Variants in TUB observed in about 807,000 individuals in gnomAD.
The protein encoded by TUB is tubby protein homolog.
In TUB, 33 loss-of-function variants were observed where a neutral mutation model predicts 59.7. That is an observed-to-expected ratio of 0.55 (90% CI 0.42 to 0.74). The LOEUF is 0.74. Ranked by LOEUF, TUB falls within the 30% of genes least tolerant of loss-of-function variation. The pLI is 0.00. For missense variants in TUB, 659 were observed against 672.0 expected (o/e 0.98, Z 0.21); for synonymous variants, 293 against 256.4 (o/e 1.14, Z -1.36).
rs201857968 is a variant in TUB, at chr11:8,095,592, C to A, written c.492C>A (p.Asp164Glu). The change falls in exon 5 of 12, where the codon GAC becomes GAA. Residue 164 changes from aspartate to glutamate, a missense_variant. Coordinates refer to ENST00000299506, the MANE Select transcript of TUB (RefSeq NM_177972.3). Reference protein sequence around the residue: ...LTVGQSDHAQDAGETAAGGGE... With the variant: ...LTVGQSDHAQEAGETAAGGGE... ...TGGGCCAGTCAGACCACGCCCAGGA[C>A]GCAGGGGAGACGGCAGCTGGTGGGG... 1.9e-5 allele frequency: 31 copies of A among 1,612,894 alleles called. No homozygotes were observed. Among genetic ancestry groups the A allele is most frequent in the Non-Finnish European group, 2.5e-5 (30 of 1,179,882 alleles).
chr11:8,060,643 G>A (rs935029899), intron 2 of TUB, among the ~76,000 whole-genome samples: 1 of 152,168 alleles, frequency 6.6e-6, no homozygotes, highest in Admixed American at 6.5e-5. Context: ...GGGAGGGAGA[G>A]ACTGAGAGTG....
chr11:8,060,391 C>A (rs1564906320), intron 2 of TUB, among the ~76,000 whole-genome samples: 1 of 152,148 alleles, frequency 6.6e-6, no homozygotes, highest in Non-Finnish European at 1.5e-5. Context: ...GGGTTGCTGG[C>A]CACCTCTGAC....
intron 2 of TUB, chr11:8,067,492 T>G (rs1943268529): frequency 6.6e-6 from 1 of 152,250 alleles, no homozygotes; most frequent in East Asian, 1.9e-4. Context: ...AAGCATTTAA[T>G]AAATGTTAGC....
At chr11:8,050,725 T>C (rs575874089) in intron 2 of TUB, among the ~76,000 whole-genome samples, 2 of 152,368 alleles carry the variant, frequency 1.3e-5, no homozygotes, top group South Asian at 2.1e-4. Flanking sequence ...TATTTTTCCC[T>C]TCAGCGAAGT....
At position 8,067,598 on chromosome 11, in the gene TUB, G is replaced by A. The variant is rs189474442; in HGVS notation, c.204-22012G>A. 64 of 152,290 alleles carry A rather than the reference G, an allele frequency of 4.2e-4. 1 individual carries two copies. The highest frequency in any genetic ancestry group is 1.9e-4 in the East Asian group (1 of 5,176). 9.4% of individuals were successfully genotyped at this position (152,290 alleles called of 1,614,324 possible). A position where few individuals can be genotyped will look rare whatever the true frequency, so the allele number is the denominator to read the frequency against. On this transcript the variant is annotated intron_variant, in intron 2 of 12. Coordinates refer to the TUB transcript ENST00000305253. Reference sequence around the variant, plus strand: ...CCCGACAAATATTTATTAAACTCCTGTTTTCTTCCAGGCACTGTACTAGGC... The same window carrying A: ...CCCGACAAATATTTATTAAACTCCTATTTTCTTCCAGGCACTGTACTAGGC...
intron 1 of TUB, among the ~76,000 whole-genome samples, chr11:8,020,828 C>G (rs998300257): frequency 6.6e-6 from 1 of 152,128 alleles, no homozygotes; most frequent in Non-Finnish European, 1.5e-5. Flanking sequence ...GTTCAGATCC[C>G]AAATTCACAC....
At chr11:8,054,576 A>G (rs1470108713) in intron 2 of TUB, among the ~76,000 whole-genome samples, 1 of 152,180 alleles carries the variant, frequency 6.6e-6, no homozygotes, top group East Asian at 1.9e-4. Flanking sequence ...CCTGCATGCC[A>G]TGTCATCTCC....
In TUB at chr11:8,105,513, C is replaced by G. The variant is rs997584678; in HGVS notation, c.*3894C>G. 5 of 152,082 alleles carry G rather than the reference C, an allele frequency of 3.3e-5. No homozygotes were observed. Among genetic ancestry groups the G allele is most frequent in the African/African-American group, 1.2e-4 (5 of 41,422 alleles). The allele number at this position is 152,082 out of a possible 1,614,324, so 9.4% of individuals were successfully genotyped here. A position where few individuals can be genotyped will look rare whatever the true frequency, so the allele number is the denominator to read the frequency against. The stretch of plus-strand genomic sequence containing the variant: ...AGGTTTGGTTTTTAAATTTTCCAAC[C>G]AAGTGGAAAGGCAAGTTGGTCTTAT... On this transcript the variant is annotated 3_prime_UTR_variant, in exon 12 of 12. Transcript: ENST00000299506.
At chr11:8,078,349 C>T (rs1178558893), upstream of TUB, among the ~76,000 whole-genome samples, 1 of 152,098 alleles carries the variant, frequency 6.6e-6, no homozygotes, top group Non-Finnish European at 1.5e-5. Context: ...GTTGGGATTG[C>T]TGTGTGGTGG....
chr11:8,038,999 G>A (rs778973475), exon 1 of TUB: 4 of 1,613,766 alleles, frequency 2.5e-6, no homozygotes, highest in Non-Finnish European at 3.4e-6. Context: ...GGAAACCTGG[G>A]CCCCTGAAAC....
intron 1 of TUB, among the ~76,000 whole-genome samples, chr11:8,088,380 A>G (rs1943708370): frequency 6.6e-6 from 1 of 152,162 alleles, no homozygotes. Flanking sequence ...GGAGGAGGTG[A>G]AAGTGGCTTC....
At position 8,029,671 on chromosome 11, in the gene TUB, G is replaced by A. The variant is rs112613019; in HGVS notation, c.56+10313G>A. Among the ~76,000 whole-genome samples, 437 of 152,244 alleles carry A rather than the reference G, an allele frequency of 2.9e-3. 1 individual carries two copies. The highest frequency in any genetic ancestry group is 0.01 in the African/African-American group (425 of 41,504). On this transcript the variant is annotated intron_variant, in intron 1 of 11. Transcript: ENST00000534099. ...CCCAAAGTGCTGGGATTACAGGTAT[G>A]AGCCACCACACCCAGCCTGTCTGAG...
chr11:8,087,753 G>C (rs1943695438), intron 1 of TUB, among the ~76,000 whole-genome samples: 2 of 152,376 alleles, frequency 1.3e-5, no homozygotes, highest in African/African-American at 4.8e-5. Context: ...CAGTCAGGCT[G>C]TTGGCTTGAG....
rs908163703 is a variant in TUB, at chr11:8,102,823, C to T, written c.*1204C>T. The stretch of plus-strand genomic sequence containing the variant: ...GAAAATGGGGCTTGCCCTGGGTCAC[C>T]TAGCTGGTTAATGGCAGCATTCAGA... On this transcript the variant is annotated 3_prime_UTR_variant, in exon 12 of 12. Transcript: ENST00000299506. 1 of 152,220 alleles carries T rather than the reference C, an allele frequency of 6.6e-6. No individual in the cohort carries two copies. Among genetic ancestry groups the T allele is most frequent in the Non-Finnish European group, 1.5e-5 (1 of 68,042 alleles). 9.4% of individuals were successfully genotyped at this position (152,220 alleles called of 1,614,324 possible).
intron 2 of TUB, among the ~76,000 whole-genome samples, chr11:8,066,313 A>G (rs927703128): frequency 1.3e-5 from 2 of 152,182 alleles, no homozygotes; most frequent in Non-Finnish European, 2.9e-5. Flanking sequence ...GGCAGGCAGC[A>G]TGGAGGTGAA....
chr11:8,104,480 A>G lies in TUB; in HGVS notation c.*2861A>G, dbSNP rs1325786559. On this transcript the variant is annotated 3_prime_UTR_variant, in exon 12 of 12. Coordinates refer to ENST00000299506, the MANE Select transcript of TUB (RefSeq NM_177972.3). ...TATTTGGGGAAAAGGGCAATCAGCA[A>G]TCAACTGAGGTTTCTTAATTGTGAT... 2 of 152,244 alleles carry G rather than the reference A, an allele frequency of 1.3e-5. No individual in the cohort carries two copies. The highest frequency in any genetic ancestry group is 4.8e-5 in the African/African-American group (2 of 41,446). The allele number at this position is 152,244 out of a possible 1,614,324, so 9.4% of individuals were successfully genotyped here.
chr11:8,091,706 A>G (rs531887427), intron 3 of TUB, among the ~76,000 whole-genome samples: 13 of 152,272 alleles, frequency 8.5e-5, no homozygotes, highest in African/African-American at 2.6e-4. Context: ...GGCCTTCAGA[A>G]AAGGGGACCA....
intron 7 of TUB, 94 bp from the exon 8 acceptor site, chr11:8,097,620 C>T: frequency 7.5e-7 from 1 of 1,327,514 alleles, no homozygotes; most frequent in East Asian, 2.3e-5. Flanking sequence ...CGTTTGGGAG[C>T]TGACGCAACG....
chr11:8,064,738 T>A (rs147082037), intron 2 of TUB, among the ~76,000 whole-genome samples: 200 of 152,308 alleles, frequency 1.3e-3, no homozygotes, highest in Non-Finnish European at 2.4e-3. Context: ...GTGCCATGGC[T>A]GTTGCAGACA....
Sources: allele counts gnomAD v4.1 joint callset (sites outside exome capture counted in the v4.1 genomes callset), GRCh38; gene constraint gnomAD v4.1.1; transcripts MANE v1.5; gene names NCBI Gene and HGNC (gene_info 2026-07-23, HGNC 2026-07-21).